Variants in FIRRM observed in about 807,000 individuals in gnomAD.
FIRRM encodes FIGNL1-interacting regulator of recombination and mitosis.
At chr1:169,844,220 T>C in the FIRRM span, among the ~76,000 whole-genome samples, 1 of 152,250 alleles carries the variant, frequency 6.6e-6, no homozygotes, top group African/African-American at 2.4e-5. Context: ...ATTTCCTCTT[T>C]GGCCTCCAAC....
At chr1:169,823,204 C>G in the FIRRM span, among the ~76,000 whole-genome samples, 1 of 149,630 alleles carries the variant, frequency 6.7e-6, no homozygotes, top group Admixed American at 6.7e-5. Flanking sequence ...GAGCCGAGAT[C>G]ACAACATTGT....
At chr1:169,853,928 T>A in the FIRRM span, 1 of 810,548 alleles carries the variant, frequency 1.2e-6, no homozygotes. Context: ...AACAGAAAGT[T>A]GAAAAGTAGG....
At chr1:169,853,668 A>T in the FIRRM span, 185 of 1,590,244 alleles carry the variant, frequency 1.2e-4, 2 homozygotes, top group South Asian at 3.6e-4. Flanking sequence ...GATTTTTTTT[A>T]AAAAAAGGGA....
At chr1:169,850,284 T>C in the FIRRM span, 5 of 1,611,308 alleles carry the variant, frequency 3.1e-6, no homozygotes, top group South Asian at 5.5e-5. Flanking sequence ...CATGAAGAGA[T>C]AGTTCCACAG....
the FIRRM span, chr1:169,807,933 A>C: frequency 6.3e-7 from 1 of 1,598,884 alleles, no homozygotes; most frequent in Non-Finnish European, 8.5e-7. Flanking sequence ...TGCACAGGTA[A>C]AATTTGGGCT....
At chr1:169,837,054 C>T in the FIRRM span, 1 of 1,610,414 alleles carries the variant, frequency 6.2e-7, no homozygotes, top group South Asian at 1.1e-5. Context: ...ACAGTAGGCA[C>T]TGCAGAATGC....
chr1:169,800,970 A>T, the FIRRM span: 1 of 1,525,144 alleles, frequency 6.6e-7, no homozygotes, highest in Non-Finnish European at 9.1e-7. Context: ...GTGTTACCAA[A>T]GGTATAATAC....
At chr1:169,815,592 A>G in the FIRRM span, among the ~76,000 whole-genome samples, 1 of 152,158 alleles carries the variant, frequency 6.6e-6, no homozygotes, top group Non-Finnish European at 1.5e-5. Flanking sequence ...AGCAGTGAGG[A>G]CAACCAGAAG....
the FIRRM span, chr1:169,852,297 A>T: frequency 2.9e-5 from 9 of 309,288 alleles, no homozygotes; most frequent in Non-Finnish European, 5.5e-5. Context: ...GAGTCTCCTA[A>T]TAATTTTTGG....
the FIRRM span, among the ~76,000 whole-genome samples, chr1:169,828,018 T>G: frequency 6.6e-6 from 1 of 152,254 alleles, no homozygotes; most frequent in South Asian, 2.1e-4. Flanking sequence ...ATATAAAATA[T>G]ATAAACCTAT....
At chr1:169,821,675 T>A in the FIRRM span, 1 of 1,567,010 alleles carries the variant, frequency 6.4e-7, no homozygotes, top group Non-Finnish European at 8.6e-7. Flanking sequence ...CCTTTTTGGA[T>A]CAGGATAATG....
At chr1:169,809,285 C>G in the FIRRM span, among the ~76,000 whole-genome samples, 1 of 152,116 alleles carries the variant, frequency 6.6e-6, no homozygotes, top group East Asian at 1.9e-4. Flanking sequence ...TTTGTCCTCA[C>G]TTCATTCGTG....
At chr1:169,846,328 T>C in the FIRRM span, among the ~76,000 whole-genome samples, 2 of 152,118 alleles carry the variant, frequency 1.3e-5, no homozygotes, top group Non-Finnish European at 2.9e-5. Context: ...ATTTTTTTAA[T>C]AGTAAGTGAA....
At chr1:169,854,052 A>T in the FIRRM span, 1 of 565,110 alleles carries the variant, frequency 1.8e-6, no homozygotes, top group South Asian at 2.7e-5. Flanking sequence ...TTTTTCAAAT[A>T]AAAAGGTTAC....
chr1:169,795,822 C>T, the FIRRM span: 1 of 969,716 alleles, frequency 1.0e-6, no homozygotes, highest in Non-Finnish European at 1.2e-6. Flanking sequence ...TCACTCCTCT[C>T]ACCCAGGCTG....
chr1:169,811,212 C>T, the FIRRM span, among the ~76,000 whole-genome samples: 1 of 152,106 alleles, frequency 6.6e-6, no homozygotes, highest in African/African-American at 2.4e-5. Context: ...TTGTGTGGCC[C>T]TTAGAACTAA....
At chr1:169,832,450 A>G in the FIRRM span, 12 of 1,613,760 alleles carry the variant, frequency 7.4e-6, no homozygotes, top group Non-Finnish European at 8.5e-6. Flanking sequence ...TTATCAACTC[A>G]TCAACCTATC....
chr1:169,824,274 A>G, the FIRRM span, among the ~76,000 whole-genome samples: 496 of 152,290 alleles, frequency 3.3e-3, 5 homozygotes, highest in African/African-American at 0.012. Context: ...CTGTGCCCCT[A>G]AGACTAGCCT....
At chr1:169,795,607 T>C in the FIRRM span, 2 of 1,005,122 alleles carry the variant, frequency 2.0e-6, no homozygotes, top group Non-Finnish European at 2.4e-6. Context: ...CTTAATAGTT[T>C]GAGGTAAAGC....
Sources: allele counts gnomAD v4.1 joint callset (sites outside exome capture counted in the v4.1 genomes callset), GRCh38; gene constraint gnomAD v4.1.1; transcripts MANE v1.5; gene names NCBI Gene and HGNC (gene_info 2026-07-23, HGNC 2026-07-21).